SLC7A14: variants seen among roughly 807,000 people sequenced by gnomAD.
SLC7A14 encodes the protein solute carrier family 7 member 14.
SLC7A14 carries 37 observed loss-of-function variants against 60.2 expected under a neutral mutation model. That is an observed-to-expected ratio of 0.61 (90% CI 0.47 to 0.81). The LOEUF (loss-of-function observed/expected upper bound fraction) is 0.81. SLC7A14 is among the 30% of genes least tolerant of loss of function. The pLI, the probability that SLC7A14 is intolerant of heterozygous loss-of-function variation, is 0.00. For missense variants in SLC7A14, 886 were observed against 982.7 expected (o/e 0.90, Z 1.32); for synonymous variants, 399 against 395.8 (o/e 1.01, Z -0.10).
chr3:170,484,443 G>T (rs550113041), intron 5 of SLC7A14, among the ~76,000 whole-genome samples: 1 of 152,122 alleles, frequency 6.6e-6, no homozygotes, highest in Admixed American at 6.5e-5. Context: ...TACTCCCCTC[G>T]CATATTATTG....
chr3:170,582,320 A>T (rs971435537), intron 1 of SLC7A14, among the ~76,000 whole-genome samples: 3 of 152,170 alleles, frequency 2.0e-5, no homozygotes, highest in African/African-American at 7.2e-5. Context: ...ACTTTCTTAA[A>T]TGATAAAAAT....
intron 2 of SLC7A14, among the ~76,000 whole-genome samples, chr3:170,504,248 A>G (rs1005898425): frequency 6.6e-6 from 1 of 152,198 alleles, no homozygotes; most frequent in East Asian, 1.9e-4. Context: ...TAAGAGGAAC[A>G]CATTTAAGAG....
In SLC7A14 at chr3:170,526,615, C is replaced by T. The variant is rs374614548; in HGVS notation, c.304+18G>A. 14 of 1,611,132 alleles carry T rather than the reference C, an allele frequency of 8.7e-6. No individual in the cohort carries two copies. Among genetic ancestry groups the T allele is most frequent in the Non-Finnish European group, 1.2e-5 (14 of 1,178,756 alleles). On this transcript the variant is annotated intron_variant, in intron 2 of 7. Transcript: ENST00000231706. ...TAAGCACACTTTCCACAGTACTTCC[C>T]TGCATGGAGACACTTACCTGATAAT...
intron 1 of SLC7A14, among the ~76,000 whole-genome samples, chr3:170,537,079 C>T (rs191551801): frequency 1.3e-5 from 2 of 152,306 alleles, no homozygotes; most frequent in East Asian, 1.9e-4. Flanking sequence ...TCACACAATT[C>T]CCTCTTGTAT....
At chr3:170,484,617 G>T (rs1711958440) in intron 5 of SLC7A14, among the ~76,000 whole-genome samples, 1 of 152,156 alleles carries the variant, frequency 6.6e-6, no homozygotes, top group Non-Finnish European at 1.5e-5. Context: ...CCATTTCTTT[G>T]CCTATTCCTC....
At chr3:170,471,085 G>A (rs1288259323) in intron 7 of SLC7A14, among the ~76,000 whole-genome samples, 3 of 148,718 alleles carry the variant, frequency 2.0e-5, no homozygotes, top group Admixed American at 6.7e-5. Flanking sequence ...ACCTGTCTGG[G>A]AAGGGGTGTG....
intron 1 of SLC7A14, among the ~76,000 whole-genome samples, chr3:170,577,331 A>G (rs547393778): frequency 1.3e-5 from 2 of 152,302 alleles, no homozygotes; most frequent in South Asian, 4.1e-4. Context: ...AGAAAACCAC[A>G]GAGGAGGCCG....
chr3:170,487,826 C>G (rs757161720), intron 4 of SLC7A14, among the ~76,000 whole-genome samples: 1 of 152,182 alleles, frequency 6.6e-6, no homozygotes, highest in Non-Finnish European at 1.5e-5. Flanking sequence ...ATATGTTTTT[C>G]ACTACCTTCT....
At chr3:170,582,597 A>G (rs1256013341) in intron 1 of SLC7A14, among the ~76,000 whole-genome samples, 1 of 152,240 alleles carries the variant, frequency 6.6e-6, no homozygotes, top group African/African-American at 2.4e-5. Context: ...AATAGAAGTT[A>G]TGTATTTAAT....
intron 4 of SLC7A14, among the ~76,000 whole-genome samples, chr3:170,489,561 C>T (rs138795553): frequency 1.8e-4 from 28 of 152,274 alleles, no homozygotes; most frequent in African/African-American, 6.7e-4. Flanking sequence ...ATTGGGCTAC[C>T]ATATGTTCCA....
chr3:170,496,932 G>C (rs1712417795), intron 4 of SLC7A14, among the ~76,000 whole-genome samples: 1 of 152,102 alleles, frequency 6.6e-6, no homozygotes, highest in South Asian at 2.1e-4. Context: ...GGCTCCCCCA[G>C]AGCCCGGGAG....
intron 4 of SLC7A14, among the ~76,000 whole-genome samples, chr3:170,488,806 A>G (rs1712119752): frequency 6.6e-6 from 1 of 152,252 alleles, no homozygotes; most frequent in Non-Finnish European, 1.5e-5. Flanking sequence ...TTCTTGAGCA[A>G]TACCCCACAA....
At chr3:170,508,906 G>A (rs967455477) in intron 2 of SLC7A14, among the ~76,000 whole-genome samples, 1 of 152,148 alleles carries the variant, frequency 6.6e-6, no homozygotes, top group African/African-American at 2.4e-5. Flanking sequence ...CCATATGGTG[G>A]GTAATGCAGT....
At chr3:170,489,422 C>T (rs2108273813) in intron 4 of SLC7A14, among the ~76,000 whole-genome samples, 1 of 152,116 alleles carries the variant, frequency 6.6e-6, no homozygotes, top group Admixed American at 6.5e-5. Flanking sequence ...GGCTTATATC[C>T]AAAAGACAGG....
intron 1 of SLC7A14, among the ~76,000 whole-genome samples, chr3:170,533,673 G>GTA (rs1431362188): frequency 6.6e-6 from 1 of 151,558 alleles, no homozygotes. Context: ...GTGTGTGTGT[G>GTA]TGTGTGGTGT....
At chr3:170,529,854 G>A (rs139988449) in intron 1 of SLC7A14, among the ~76,000 whole-genome samples, 144 of 152,258 alleles carry the variant, frequency 9.5e-4, no homozygotes, top group African/African-American at 3.3e-3. Context: ...AGGGAGAACA[G>A]ACATGGGGGT....
intron 7 of SLC7A14, among the ~76,000 whole-genome samples, chr3:170,478,146 C>A (rs368268542): frequency 1.3e-5 from 2 of 152,050 alleles, no homozygotes; most frequent in African/African-American, 4.8e-5. Flanking sequence ...GGTGTGATCT[C>A]AGCTCACTGC....
At chr3:170,566,854 G>A (rs116793199) in intron 1 of SLC7A14, among the ~76,000 whole-genome samples, 3,335 of 151,064 alleles carry the variant, frequency 0.022, 57 homozygotes, top group Non-Finnish European at 0.029. Context: ...AAAACAAAAC[G>A]AAACAAACCC....
intron 1 of SLC7A14, among the ~76,000 whole-genome samples, chr3:170,563,338 G>C (rs1276115492): frequency 6.6e-6 from 1 of 151,146 alleles, no homozygotes; most frequent in Non-Finnish European, 1.5e-5. Context: ...CCGCCCATTT[G>C]CAAAGATTTA....
Sources: allele counts gnomAD v4.1 joint callset (sites outside exome capture counted in the v4.1 genomes callset), GRCh38; gene constraint gnomAD v4.1.1; transcripts MANE v1.5; gene names NCBI Gene and HGNC (gene_info 2026-07-23, HGNC 2026-07-21).